Variants in MOB1B observed in about 807,000 individuals in gnomAD.
MOB1B encodes MOB1 Mps One Binder homolog B.
MOB1B carries 19 observed loss-of-function variants against 24.4 expected under a neutral mutation model. The observed-to-expected ratio is 0.78, with a 90% CI of 0.54 to 1.14. MOB1B has a LOEUF of 1.14. Among genes scored for constraint, MOB1B ranks in the 50% most tolerant of loss-of-function variants. The pLI, the probability that MOB1B is intolerant of heterozygous loss-of-function variation, is 0.00. For missense variants in MOB1B, 243 were observed against 259.6 expected, an observed-to-expected ratio of 0.94 and a Z score of 0.44; for synonymous variants, 76 against 82.1, an observed-to-expected ratio of 0.93 and a Z score of 0.40.
intron 1 of MOB1B, among the ~76,000 whole-genome samples, chr4:70,909,986 G>A (rs911808291): frequency 2.0e-5 from 3 of 150,524 alleles, no homozygotes; most frequent in Admixed American, 2.0e-4. Context: ...GACCTCAGGT[G>A]CTCCTCCCAC....
At chr4:70,951,343 A>G (rs956826647) in intron 1 of MOB1B, among the ~76,000 whole-genome samples, 9 of 152,210 alleles carry the variant, frequency 5.9e-5, no homozygotes, top group African/African-American at 7.2e-5. Flanking sequence ...TCAAAGAGAA[A>G]ATAAATGATA....
chr4:70,975,101 T>G (rs1738926312), intron 3 of MOB1B, 52 bp from the exon 4 acceptor site: 15 of 1,313,978 alleles, frequency 1.1e-5, no homozygotes, highest in Non-Finnish European at 1.4e-5. Context: ...ATATATACAC[T>G]GTGTATAGGT....
At chr4:70,928,536 C>T (rs143676685) in intron 1 of MOB1B, among the ~76,000 whole-genome samples, 43 of 152,128 alleles carry the variant, frequency 2.8e-4, no homozygotes, top group Admixed American at 7.9e-4. Flanking sequence ...ACCTCGTGAT[C>T]CACCGCCTCA....
intron 1 of MOB1B, among the ~76,000 whole-genome samples, chr4:70,911,658 T>A (rs1348330206): frequency 6.6e-6 from 1 of 152,194 alleles, no homozygotes; most frequent in Non-Finnish European, 1.5e-5. Flanking sequence ...TAAGTGTAGT[T>A]GCAGTTTTTG....
chr4:70,967,424 G>T (rs915100190), intron 2 of MOB1B, among the ~76,000 whole-genome samples: 8 of 151,824 alleles, frequency 5.3e-5, no homozygotes. Context: ...GTGAGCCACC[G>T]CACCCAGCCA....
chr4:70,944,780 G>T (rs936462034), intron 1 of MOB1B, among the ~76,000 whole-genome samples: 3 of 152,028 alleles, frequency 2.0e-5, no homozygotes, highest in African/African-American at 7.3e-5. Context: ...AGAGAGAAAG[G>T]GGGAGAGTAG....
chr4:70,947,072 C>T (rs939540175), intron 1 of MOB1B, among the ~76,000 whole-genome samples: 1 of 152,102 alleles, frequency 6.6e-6, no homozygotes, highest in Non-Finnish European at 1.5e-5. Context: ...TCATTTTAAA[C>T]TTAGGGAAGT....
At chr4:70,961,382 A>G (rs1026798470) in intron 2 of MOB1B, among the ~76,000 whole-genome samples, 6 of 152,208 alleles carry the variant, frequency 3.9e-5, no homozygotes, top group African/African-American at 1.2e-4. Flanking sequence ...ATGGTGTGAG[A>G]TGCTGTAAAA....
intron 1 of MOB1B, among the ~76,000 whole-genome samples, chr4:70,936,142 C>T (rs1302728262): frequency 1.3e-5 from 2 of 151,898 alleles, no homozygotes; most frequent in Non-Finnish European, 2.9e-5. Context: ...TGAGCCACCG[C>T]GCCCGGCCGG....
Position 70,965,796 on chromosome 4 carries a change from C to CAAAAAA in MOB1B, c.182-4112_182-4107dup, listed in dbSNP as rs71211986. ...TGGGCGACAGAGCGAGACTCCGTCT[C>CAAAAAA]AAAAAAAAAAAAAAAAAAAAAAAAA... On this transcript the variant is annotated intron_variant, in intron 2 of 5. Transcript: ENST00000309395. Among the ~76,000 whole-genome samples the CAAAAAA allele has an allele frequency of 4.7e-3, 135 of 28,690 alleles. 11 individuals are homozygous for CAAAAAA. Among genetic ancestry groups the CAAAAAA allele is most frequent in the South Asian group, 0.022 (12 of 548 alleles). 18.8% of individuals were successfully genotyped at this position (28,690 alleles called of 152,430 possible).
At chr4:70,924,744 G>T (rs1468767431) in intron 1 of MOB1B, among the ~76,000 whole-genome samples, 1 of 152,046 alleles carries the variant, frequency 6.6e-6, no homozygotes, top group Non-Finnish European at 1.5e-5. Flanking sequence ...TGTGGTGTTT[G>T]GTTTTCTGTC....
At chr4:70,967,036 A>G (rs1262626099) in intron 2 of MOB1B, among the ~76,000 whole-genome samples, 1 of 152,072 alleles carries the variant, frequency 6.6e-6, no homozygotes, top group Non-Finnish European at 1.5e-5. Flanking sequence ...AAGCATACCT[A>G]TTTGCAGAAT....
In MOB1B at chr4:70,987,753, G is replaced by T; in HGVS notation, c.*5696G>T. 1 of 152,492 alleles carries T rather than the reference G, an allele frequency of 6.6e-6. No homozygotes were observed. The highest frequency in any genetic ancestry group is 1.5e-5 in the Non-Finnish European group (1 of 68,016). The allele number at this position is 152,492 out of a possible 1,614,324, so 9.4% of individuals were successfully genotyped here. A position where few individuals can be genotyped will look rare whatever the true frequency, so the allele number is the denominator to read the frequency against. On this transcript the variant is annotated 3_prime_UTR_variant, in exon 6 of 6. Transcript: ENST00000309395. ...AGACAAAAGCAGAGGAATATTGTCA[G>T]TGCCAAGTAATGGAAGAATAAGGGC...
rs575908374 is a variant in MOB1B, at chr4:70,916,987, A to C, written c.14+14437A>C. Among the ~76,000 whole-genome samples, 11 of 152,352 alleles carry C rather than the reference A, an allele frequency of 7.2e-5. No individual in the cohort carries two copies. The South Asian group carries it at 2.3e-3, about 32-fold the overall frequency. On this transcript the variant is annotated intron_variant, in intron 1 of 5. Coordinates refer to ENST00000309395, the MANE Select transcript of MOB1B (RefSeq NM_173468.4). ...CATTATAACTTTCACAGGAGAATTT[A>C]AAGTCTGTTGTGTAACAGTAGCTTT...
chr4:70,967,840 T>G (rs1400806054), intron 2 of MOB1B, among the ~76,000 whole-genome samples: 2 of 152,126 alleles, frequency 1.3e-5, no homozygotes, highest in Non-Finnish European at 2.9e-5. Context: ...TAAATTTTTA[T>G]TTTTTTGAGG....
chr4:70,935,315 A>G (rs961326604), intron 1 of MOB1B, among the ~76,000 whole-genome samples: 15 of 152,208 alleles, frequency 9.9e-5, no homozygotes, highest in African/African-American at 3.6e-4. Context: ...AAACCTAGGG[A>G]ATCTGGGCAA....
At chr4:70,975,701 G>T in intron 4 of MOB1B, 1 of 971,920 alleles carries the variant, frequency 1.0e-6, no homozygotes, top group Non-Finnish European at 1.2e-6. Context: ...CTTCCCTGAA[G>T]TAAGGGAAAG....
chr4:70,920,205 GCTCCTCTTCCTCTTC>G (rs1424351257), intron 1 of MOB1B, among the ~76,000 whole-genome samples: 1 of 151,782 alleles, frequency 6.6e-6, no homozygotes, highest in Non-Finnish European at 1.5e-5. Flanking sequence ...TTTGATTTAA[GCTCCTCTTCCTCTTC>G]CTCCTCCTCC....
At chr4:70,956,804 T>G (rs751584531) in intron 1 of MOB1B, among the ~76,000 whole-genome samples, 1 of 152,138 alleles carries the variant, frequency 6.6e-6, no homozygotes, top group Non-Finnish European at 1.5e-5. Context: ...TCGGTTTAAT[T>G]CTAATTAAAC....
Sources: allele counts gnomAD v4.1 joint callset (sites outside exome capture counted in the v4.1 genomes callset), GRCh38; gene constraint gnomAD v4.1.1; transcripts MANE v1.5; gene names NCBI Gene and HGNC (gene_info 2026-07-23, HGNC 2026-07-21).